The following ADAMTS20 variants were observed in gnomAD, a reference collection of about 807,000 sequenced individuals.
The protein encoded by ADAMTS20 is ADAM metallopeptidase with thrombospondin type 1 motif 20.
ADAMTS20 carries 225 observed loss-of-function variants against 260.1 expected under a neutral mutation model. The ratio of observed to expected loss-of-function variants is 0.87; its 90% confidence interval spans 0.78 to 0.97. The LOEUF is 0.97. Ranked by LOEUF, ADAMTS20 falls within the 50% of genes least tolerant of loss-of-function variation. The pLI is 0.00. For synonymous variants in ADAMTS20, 802 were observed against 769.5 expected (o/e 1.04, Z -0.70); for missense variants, 2,400 against 2,337.7 (o/e 1.03, Z -0.55).
At chr12:43,550,308 A>T (rs1565590851) in intron 2 of ADAMTS20, among the ~76,000 whole-genome samples, 1 of 152,212 alleles carries the variant, frequency 6.6e-6, no homozygotes, top group African/African-American at 2.4e-5. Flanking sequence ...CACCACAAAA[A>T]TATAACAGAC....
In ADAMTS20 at chr12:43,548,059, C is replaced by T. The variant is rs1592119919; in HGVS notation, c.453+2850G>A. On this transcript the variant is annotated intron_variant, in intron 2 of 38. Coordinates refer to ENST00000389420, the MANE Select transcript of ADAMTS20 (RefSeq NM_025003.5). Reference sequence around the variant, plus strand: ...ATCAATGGTCAATGAATTCTTGAATCCACCAATATATGAAACAACACTCAT... The same window carrying T: ...ATCAATGGTCAATGAATTCTTGAATTCACCAATATATGAAACAACACTCAT... Among the ~76,000 whole-genome samples, 3 of 152,200 alleles carry T rather than the reference C, an allele frequency of 2.0e-5. No homozygotes were observed. The South Asian group carries it at 6.2e-4, about 32-fold the overall frequency.
intron 28 of ADAMTS20, among the ~76,000 whole-genome samples, chr12:43,413,212 T>A (rs1941067230): frequency 6.6e-6 from 1 of 152,206 alleles, no homozygotes; most frequent in East Asian, 1.9e-4. Flanking sequence ...TTACACATGA[T>A]CATTCACACA....
At chr12:43,488,039 A>C (rs1942549147) in intron 7 of ADAMTS20, among the ~76,000 whole-genome samples, 2 of 152,100 alleles carry the variant, frequency 1.3e-5, no homozygotes, top group African/African-American at 4.8e-5. Context: ...TTCACAGTGA[A>C]CTTCAAAGCA....
intron 3 of ADAMTS20, among the ~76,000 whole-genome samples, chr12:43,512,986 T>A (rs1188738507): frequency 6.6e-6 from 1 of 152,184 alleles, no homozygotes; most frequent in African/African-American, 2.4e-5. Context: ...GACTAGCTAC[T>A]CATGTTCACA....
chr12:43,402,677 C>T (rs1940832954), intron 28 of ADAMTS20, among the ~76,000 whole-genome samples: 1 of 152,046 alleles, frequency 6.6e-6, no homozygotes, highest in Non-Finnish European at 1.5e-5. Flanking sequence ...TAGGAATATT[C>T]AAACATGCAG....
rs763702051 is a variant in ADAMTS20, at chr12:43,452,686, G to A, written c.1770C>T (p.Asn590=). The change falls in exon 13 of 39, where the codon AAC becomes AAT. Residue 590 remains asparagine, a synonymous_variant. Transcript: ENST00000389420. ...TRRCNRPEPR[N]GGNYCVGRRM... Reference sequence around the variant, plus strand: ...TGCGGCCCACACAGTAATTTCCTCCGTTTCTTGGCCTAGTCAAATTCATTA... The same window carrying A: ...TGCGGCCCACACAGTAATTTCCTCCATTTCTTGGCCTAGTCAAATTCATTA... The A allele has an allele frequency of 1.9e-5, 31 of 1,601,842 alleles. No homozygotes were observed. Among genetic ancestry groups the A allele is most frequent in the Middle Eastern group, 1.6e-4 (1 of 6,070 alleles).
chr12:43,540,495 C>T (rs2137520063), intron 2 of ADAMTS20, among the ~76,000 whole-genome samples: 1 of 152,284 alleles, frequency 6.6e-6, no homozygotes, highest in Non-Finnish European at 1.5e-5. Context: ...ATTTTGCCCC[C>T]ACTGATTTTT....
At chr12:43,386,087 A>G (rs1052374130) in intron 29 of ADAMTS20, among the ~76,000 whole-genome samples, 2 of 151,874 alleles carry the variant, frequency 1.3e-5, no homozygotes, top group Non-Finnish European at 2.9e-5. Context: ...TATTTTGTTA[A>G]TCTTTTCAAA....
At chr12:43,531,510 T>C (rs1943219807) in intron 3 of ADAMTS20, among the ~76,000 whole-genome samples, 1 of 152,068 alleles carries the variant, frequency 6.6e-6, no homozygotes, top group South Asian at 2.1e-4. Flanking sequence ...GGTGAAAAGA[T>C]TGTTTAAAAG....
intron 11 of ADAMTS20, among the ~76,000 whole-genome samples, chr12:43,460,584 C>T (rs1044182550): frequency 3.3e-5 from 5 of 152,114 alleles, no homozygotes; most frequent in African/African-American, 1.2e-4. Flanking sequence ...AGCAATTCTA[C>T]ACCAAGAGAA....
intron 3 of ADAMTS20, among the ~76,000 whole-genome samples, chr12:43,529,261 A>C (rs1320964832): frequency 6.6e-6 from 1 of 152,170 alleles, no homozygotes; most frequent in Non-Finnish European, 1.5e-5. Flanking sequence ...TAAAGAACTA[A>C]AAGTAGATCC....
chr12:43,409,985 T>G lies in ADAMTS20; in HGVS notation c.4285-10752A>C, dbSNP rs143161091. On this transcript the variant is annotated intron_variant, in intron 28 of 38. Transcript: ENST00000389420. The stretch of plus-strand genomic sequence containing the variant: ...ATGCTAAAGTAAAATAGGCAATGCC[T>G]TAAAAATTTTGAGGGAAATTATCTT... 3.8e-4 allele frequency among the ~76,000 whole-genome samples: 58 copies of G among 152,318 alleles called. 1 individual carries two copies. In the East Asian group the frequency reaches 0.011, roughly 29 times the overall value.
intron 21 of ADAMTS20, among the ~76,000 whole-genome samples, chr12:43,431,728 A>G (rs59876041): frequency 0.015 from 2,280 of 152,248 alleles, 50 homozygotes; most frequent in African/African-American, 0.051. Flanking sequence ...GTGCAAAACT[A>G]ACCTTAGAAT....
chr12:43,532,164 T>C lies in ADAMTS20; in HGVS notation c.485A>G (p.Tyr162Cys), dbSNP rs765900876. 2 of 1,610,682 alleles carry C rather than the reference T, an allele frequency of 1.2e-6. No individual in the cohort carries two copies. Among genetic ancestry groups the C allele is most frequent in the African/African-American group, 1.3e-5 (1 of 74,768 alleles). The change falls in exon 3 of 39, where the codon TAT becomes TGT. Residue 162 changes from tyrosine (Y) to cysteine (C), a missense_variant. Coordinates refer to ENST00000389420, the MANE Select transcript of ADAMTS20 (RefSeq NM_025003.5). ...TGCCTTCATTATAGGTTCTAAGAAA[T>C]ATTCACCGTTCTGTCCTTTAAATGT... ...TGTFKGQNGEYFLEPIMKADG... is the reference protein window; with the variant it reads ...TGTFKGQNGECFLEPIMKADG...
chr12:43,455,246 T>C (rs886234415), intron 11 of ADAMTS20, among the ~76,000 whole-genome samples: 1 of 152,218 alleles, frequency 6.6e-6, no homozygotes, highest in Non-Finnish European at 1.5e-5. Flanking sequence ...TAATATTCCA[T>C]TGTATGTTGT....
chr12:43,440,620 C>T (rs977571955), intron 16 of ADAMTS20, among the ~76,000 whole-genome samples: 1 of 152,152 alleles, frequency 6.6e-6, no homozygotes, highest in Non-Finnish European at 1.5e-5. Flanking sequence ...ACTTTTCTAT[C>T]TCAGATGGTC....
intron 18 of ADAMTS20, 111 bp from the exon 19 acceptor site, chr12:43,434,482 A>G: frequency 7.2e-6 from 8 of 1,106,598 alleles, no homozygotes; most frequent in Non-Finnish European, 1.0e-5. Context: ...GCAAGTAAAA[A>G]TTTCCAATGC....
At chr12:43,440,708 T>A (rs1300905546) in intron 16 of ADAMTS20, among the ~76,000 whole-genome samples, 1 of 152,168 alleles carries the variant, frequency 6.6e-6, no homozygotes, top group Non-Finnish European at 1.5e-5. Flanking sequence ...GCAGACAGAT[T>A]AGTTCAATCA....
intron 7 of ADAMTS20, among the ~76,000 whole-genome samples, chr12:43,477,203 A>G (rs916265627): frequency 2.6e-5 from 4 of 152,158 alleles, no homozygotes; most frequent in African/African-American, 9.7e-5. Flanking sequence ...TAAAACCATA[A>G]TTGGGGACTA....
Sources: allele counts gnomAD v4.1 joint callset (sites outside exome capture counted in the v4.1 genomes callset), GRCh38; gene constraint gnomAD v4.1.1; transcripts MANE v1.5; gene names NCBI Gene and HGNC (gene_info 2026-07-23, HGNC 2026-07-21).